PPP2R3A: variants seen among roughly 807,000 people sequenced by gnomAD.
PPP2R3A encodes the protein protein phosphatase 2 regulatory subunit B''alpha.
In PPP2R3A, 80 loss-of-function variants were observed where a neutral mutation model predicts 106.9. That is an observed-to-expected ratio of 0.75 (90% CI 0.62 to 0.90). The LOEUF is 0.90. PPP2R3A is among the 40% of genes least tolerant of loss of function. The pLI, the probability that PPP2R3A is intolerant of heterozygous loss-of-function variation, is 0.00. For synonymous variants in PPP2R3A, 483 were observed against 468.3 expected (o/e 1.03, Z -0.41); for missense variants, 1,386 against 1,350.4 (o/e 1.03, Z -0.41).
intron 2 of PPP2R3A, among the ~76,000 whole-genome samples, chr3:136,017,477 G>A (rs1934317675): frequency 6.6e-6 from 1 of 152,156 alleles, no homozygotes; most frequent in South Asian, 2.1e-4. Flanking sequence ...TGGACATTTG[G>A]GTTGTTTCCA....
intron 5 of PPP2R3A, among the ~76,000 whole-genome samples, chr3:136,070,218 C>T (rs1237233287): frequency 4.6e-5 from 7 of 152,152 alleles, no homozygotes; most frequent in Admixed American, 3.9e-4. Flanking sequence ...GTACATACCT[C>T]GGAGACATTT....
chr3:136,018,084 T>C (rs1038275870), intron 2 of PPP2R3A, among the ~76,000 whole-genome samples: 8 of 152,174 alleles, frequency 5.3e-5, no homozygotes, highest in African/African-American at 1.9e-4. Context: ...CTGGGCAACA[T>C]GGCGAAACCC....
chr3:136,120,208 A>C (rs962565802), intron 13 of PPP2R3A, among the ~76,000 whole-genome samples: 1 of 152,098 alleles, frequency 6.6e-6, no homozygotes, highest in African/African-American at 2.4e-5. Flanking sequence ...GATGGGTGCA[A>C]CAAACCACCA....
intron 8 of PPP2R3A, among the ~76,000 whole-genome samples, chr3:136,086,131 A>AG (rs1936921187): frequency 6.6e-6 from 1 of 151,396 alleles, no homozygotes; most frequent in African/African-American, 2.4e-5. Context: ...CCTGTCTCAA[A>AG]GAAAAAAAAA....
chr3:136,101,383 T>C (rs1937355248), intron 10 of PPP2R3A, among the ~76,000 whole-genome samples: 1 of 152,290 alleles, frequency 6.6e-6, no homozygotes, highest in South Asian at 2.1e-4. Context: ...AGTTCAACTT[T>C]CATAATGTGA....
At position 136,001,869 on chromosome 3, in the gene PPP2R3A, TA is replaced by T. The variant is rs772286052; in HGVS notation, c.375del (p.Glu126AsnfsTer72). 6.2e-7 allele frequency: 1 copy of T among 1,613,918 alleles called. No individual in the cohort carries two copies. Among genetic ancestry groups the T allele is most frequent in the Non-Finnish European group, 8.5e-7 (1 of 1,179,974 alleles). On this transcript the variant is annotated frameshift_variant, in exon 2 of 14. Transcript: ENST00000264977. LOFTEE classifies it high-confidence loss of function. ...GCAATCAGTTTTGCCAGTGGGAAAA[TA>T]AAAGAATTTTCCTTTGAAAAACTCA... ...GEAISFASGK[I>X]KEFSFEKLKN... is the part of the protein sequence containing the mutation.
At chr3:136,092,201 A>G (rs572858395) in intron 10 of PPP2R3A, among the ~76,000 whole-genome samples, 1 of 152,280 alleles carries the variant, frequency 6.6e-6, no homozygotes, top group Admixed American at 6.5e-5. Flanking sequence ...GTGGTGATAC[A>G]TGCCTATAAT....
chr3:136,014,215 C>T (rs1274398956), intron 2 of PPP2R3A, among the ~76,000 whole-genome samples: 1 of 152,002 alleles, frequency 6.6e-6, no homozygotes, highest in Non-Finnish European at 1.5e-5. Flanking sequence ...ATTTTGGTGA[C>T]TATAGCGATA....
In PPP2R3A at chr3:136,103,344, C is replaced by T. The variant is rs1226817591; in HGVS notation, c.3190C>T (p.His1064Tyr). Reference sequence around the variant, plus strand: ...CTTTAATCTGGAGAAATACTTAGACCATGAACAGAGAGATCCCTTTGCGGT... The same window carrying T: ...CTTTAATCTGGAGAAATACTTAGACTATGAACAGAGAGATCCCTTTGCGGT... ...TFFNLEKYLD[H>Y]EQRDPFAVQK... is the part of the protein sequence containing the mutation. Residue 1064 changes from histidine (H) to tyrosine (Y), a missense_variant, in exon 12 of 14, where the codon CAT becomes TAT. His to Tyr is a moderately conservative substitution (Grantham distance 83, BLOSUM62 2). Coordinates refer to ENST00000264977, the MANE Select transcript of PPP2R3A (RefSeq NM_002718.5). The T allele has an allele frequency of 6.2e-7, 1 of 1,606,914 alleles. No individual in the cohort carries two copies. The highest frequency in any genetic ancestry group is 8.5e-7 in the Non-Finnish European group (1 of 1,174,226).
chr3:135,999,701 C>A (rs1933545637), intron 1 of PPP2R3A, among the ~76,000 whole-genome samples: 1 of 152,050 alleles, frequency 6.6e-6, no homozygotes, highest in African/African-American at 2.4e-5. Flanking sequence ...TTAAGTCTTG[C>A]CCCATCCCCT....
At chr3:136,013,330 C>G (rs1934157281) in intron 2 of PPP2R3A, among the ~76,000 whole-genome samples, 1 of 152,082 alleles carries the variant, frequency 6.6e-6, no homozygotes, top group South Asian at 2.1e-4. Context: ...GTGCAAGTAT[C>G]TTTTTCATAT....
chr3:136,089,112 T>G (rs1450134675), intron 9 of PPP2R3A, among the ~76,000 whole-genome samples: 1 of 152,114 alleles, frequency 6.6e-6, no homozygotes, highest in Admixed American at 6.6e-5. Context: ...CAATTTTTGG[T>G]TGTGTTGCAG....
At chr3:135,986,166 TAA>T (rs534812620) in intron 1 of PPP2R3A, among the ~76,000 whole-genome samples, 115 of 152,260 alleles carry the variant, frequency 7.6e-4, no homozygotes, top group African/African-American at 2.4e-3. Flanking sequence ...AGTTTCCATT[TAA>T]ATATGAAGGT....
At chr3:135,989,404 T>A (rs1312431369) in intron 1 of PPP2R3A, among the ~76,000 whole-genome samples, 3 of 152,184 alleles carry the variant, frequency 2.0e-5, no homozygotes. Flanking sequence ...GTCCACCCGC[T>A]GTTTTTAGTT....
chr3:136,002,414 G>A lies in PPP2R3A; in HGVS notation c.916G>A (p.Asp306Asn). ...GCAGTCTGGGAATAATGAGGCTCTA[G>A]ATTTAACAGAACTGATCAGTAATAT... ...FMQSGNNEAL[D>N]LTELISNMPS... The change falls in exon 2 of 14, where the codon GAT (aspartate) becomes AAT (asparagine). Residue 306 changes from aspartate to asparagine, a missense_variant. Asp to Asn is a conservative substitution (Grantham distance 23). Transcript: ENST00000264977. The A allele has an allele frequency of 1.9e-6, 3 of 1,613,938 alleles. 1 individual carries two copies. The highest frequency in any genetic ancestry group is 3.3e-4 in the Middle Eastern group (2 of 6,062).
intron 1 of PPP2R3A, among the ~76,000 whole-genome samples, chr3:135,978,658 T>C (rs549899247): frequency 3.3e-5 from 5 of 152,014 alleles, no homozygotes; most frequent in Admixed American, 6.5e-5. Flanking sequence ...AAGAGCAGTG[T>C]GAAACCATTT....
At chr3:136,058,422 CA>C (rs964801921) in intron 5 of PPP2R3A, among the ~76,000 whole-genome samples, 4 of 152,022 alleles carry the variant, frequency 2.6e-5, no homozygotes, top group Non-Finnish European at 5.9e-5. Context: ...ACAATTGCCA[CA>C]AAAAGAATAA....
At chr3:136,017,586 G>A (rs575457720) in intron 2 of PPP2R3A, among the ~76,000 whole-genome samples, 1 of 152,356 alleles carries the variant, frequency 6.6e-6, no homozygotes, top group East Asian at 1.9e-4. Context: ...TTTCCAAACA[G>A]CTGGCTGGCT....
intron 5 of PPP2R3A, among the ~76,000 whole-genome samples, chr3:136,060,046 C>T (rs899658377): frequency 5.9e-5 from 9 of 152,098 alleles, no homozygotes; most frequent in Non-Finnish European, 1.2e-4. Flanking sequence ...GGCCTAATAC[C>T]TGGGTGATGA....
Sources: allele counts gnomAD v4.1 joint callset (sites outside exome capture counted in the v4.1 genomes callset), GRCh38; gene constraint gnomAD v4.1.1; transcripts MANE v1.5; gene names NCBI Gene and HGNC (gene_info 2026-07-23, HGNC 2026-07-21).